ABCB5: variants seen among roughly 807,000 people sequenced by gnomAD.
ABCB5 encodes ATP binding cassette subfamily B member 5.
Under a neutral mutation model 144.2 loss-of-function variants are expected in ABCB5, and 155 were observed. The observed-to-expected ratio is 1.08, with a 90% CI of 0.94 to 1.23. ABCB5 has a LOEUF of 1.23. Ranked by LOEUF, ABCB5 falls within the 50% of genes most tolerant of loss-of-function variation. ABCB5 has a pLI of 0.00. For synonymous variants in ABCB5, 610 were observed against 528.6 expected (o/e 1.15, Z -2.11); for missense variants, 1,830 against 1,520.8 (o/e 1.20, Z -3.38).
intron 21 of ABCB5, among the ~76,000 whole-genome samples, chr7:20,724,166 C>G (rs1781957408): frequency 6.9e-6 from 1 of 145,464 alleles, no homozygotes; most frequent in African/African-American, 2.5e-5. Flanking sequence ...GGGTGGTAGG[C>G]AGTTCTTTTC....
intron 12 of ABCB5, 127 bp from the exon 13 acceptor site, chr7:20,651,293 A>AAATATTTTATC: frequency 2.4e-6 from 2 of 844,106 alleles, no homozygotes; most frequent in Admixed American, 2.8e-5. Context: ...ATATTTTATC[A>AAATATTTTATC]AAATATAGTC....
chr7:20,733,505 G>A (rs1415233441), intron 23 of ABCB5, among the ~76,000 whole-genome samples: 1 of 151,940 alleles, frequency 6.6e-6, no homozygotes, highest in African/African-American at 2.4e-5. Flanking sequence ...AACATATGAA[G>A]GACTGTTAAC....
chr7:20,681,507 G>A lies in ABCB5; in HGVS notation c.1710G>A (p.Ala570=), dbSNP rs139741319. The change falls in exon 15 of 28, where the codon GCG becomes GCA. Residue 570 remains alanine, a splice_region_variant and synonymous_variant. Transcript: ENST00000404938. ...KSAVQAALEK[A]SKGRTTIVVA... is the part of the protein sequence containing the mutation. ...TTTCTATGCATTTTATTCTGTAGGC[G>A]AGCAAAGGTCGGACTACAATCGTGG... 2,535 of 1,613,940 alleles carry A rather than the reference G, an allele frequency of 1.6e-3. 3 individuals are homozygous for A. The highest frequency in any genetic ancestry group is 2.0e-3 in the Non-Finnish European group (2,336 of 1,179,906).
chr7:20,655,475 C>T (rs1298089953), intron 13 of ABCB5, among the ~76,000 whole-genome samples: 1 of 151,730 alleles, frequency 6.6e-6, no homozygotes, highest in Admixed American at 6.6e-5. Context: ...TCTGCTCCCC[C>T]GCACCTCCCC....
chr7:20,695,791 C>T (rs1786391607), intron 16 of ABCB5, among the ~76,000 whole-genome samples: 1 of 151,734 alleles, frequency 6.6e-6, no homozygotes, highest in Admixed American at 6.6e-5. Context: ...AAGATGAGCA[C>T]ATTGGAAATA....
At position 20,663,120 on chromosome 7, in the gene ABCB5, T is replaced by C. The variant is rs1785058856; in HGVS notation, c.1707+4444T>C. 2.0e-5 allele frequency among the ~76,000 whole-genome samples: 3 copies of C among 152,226 alleles called. No individual in the cohort carries two copies. The South Asian group carries it at 6.2e-4, about 31-fold the overall frequency. On this transcript the variant is annotated intron_variant, in intron 14 of 27. Transcript: ENST00000404938. Reference sequence around the variant, plus strand: ...CCAGACCACTCATCCTTCTGCCTCATTCTTGTAACCACCAGGCTATATTGC... The same window carrying C: ...CCAGACCACTCATCCTTCTGCCTCACTCTTGTAACCACCAGGCTATATTGC...
At chr7:20,660,278 A>G (rs1784961202) in intron 14 of ABCB5, 2 of 985,448 alleles carry the variant, frequency 2.0e-6, no homozygotes, top group Non-Finnish European at 2.4e-6. Flanking sequence ...AATATATGAA[A>G]ATAATAACAG....
chr7:20,700,277 T>C, intron 19 of ABCB5, 142 bp downstream of exon 19: 1 of 697,506 alleles, frequency 1.4e-6, no homozygotes, highest in Non-Finnish European at 2.3e-6. Flanking sequence ...AAAAATCTGA[T>C]GTCAGAAGTC....
chr7:20,679,793 T>C (rs547882269), intron 14 of ABCB5, among the ~76,000 whole-genome samples: 75 of 152,284 alleles, frequency 4.9e-4, no homozygotes, highest in African/African-American at 1.7e-3. Flanking sequence ...AGAGCAACCA[T>C]GGCTCTCTTG....
intron 14 of ABCB5, among the ~76,000 whole-genome samples, chr7:20,674,074 C>G (rs1785531855): frequency 2.0e-5 from 3 of 151,868 alleles, no homozygotes; most frequent in Admixed American, 1.3e-4. Flanking sequence ...GGCCTTTAAG[C>G]TATTGCGATT....
chr7:20,744,812 G>A (rs1782670098), intron 25 of ABCB5, among the ~76,000 whole-genome samples: 1 of 151,902 alleles, frequency 6.6e-6, no homozygotes, highest in Non-Finnish European at 1.5e-5. Context: ...AAGGGAAAGA[G>A]CTTTCTCTTA....
intron 17 of ABCB5, among the ~76,000 whole-genome samples, 163 bp from the exon 18 acceptor site, chr7:20,699,662 G>A (rs914410116): frequency 4.6e-5 from 7 of 151,488 alleles, no homozygotes; most frequent in South Asian, 2.1e-4. Flanking sequence ...GACTGAGATC[G>A]CAACACTGCA....
chr7:20,659,213 A>G (rs1784915626), intron 14 of ABCB5: 17 of 1,595,296 alleles, frequency 1.1e-5, no homozygotes, highest in Non-Finnish European at 1.5e-5. Context: ...TCAAGGCCAT[A>G]TGCAGTTGTG....
At chr7:20,624,265 C>T (rs1264076924) in intron 2 of ABCB5, among the ~76,000 whole-genome samples, 1 of 152,328 alleles carries the variant, frequency 6.6e-6, no homozygotes, top group Non-Finnish European at 1.5e-5. Context: ...CCACAGGAAG[C>T]ATTGTAACTG....
chr7:20,719,143 GC>G (rs1226083144), intron 20 of ABCB5, among the ~76,000 whole-genome samples: 2 of 152,022 alleles, frequency 1.3e-5, no homozygotes, highest in Non-Finnish European at 2.9e-5. Context: ...CTTTATCTAA[GC>G]TTTTTCTAAT....
chr7:20,698,598 T>A, intron 17 of ABCB5, 48 bp downstream of exon 17: 1 of 1,525,964 alleles, frequency 6.6e-7, no homozygotes, highest in Non-Finnish European at 8.8e-7. Context: ...AAAGAAAGTA[T>A]GACCTGAGAG....
intron 20 of ABCB5, among the ~76,000 whole-genome samples, chr7:20,711,203 G>A (rs1475865617): frequency 6.7e-6 from 1 of 149,340 alleles, no homozygotes; most frequent in African/African-American, 2.5e-5. Context: ...AAATAAATAT[G>A]TAAAGTCCTA....
At chr7:20,672,314 GTTTAA>G (rs1002516741) in intron 14 of ABCB5, among the ~76,000 whole-genome samples, 7 of 149,910 alleles carry the variant, frequency 4.7e-5, no homozygotes, top group South Asian at 2.1e-4. Flanking sequence ...TAATTTTGAT[GTTTAA>G]TTTATTAGTT....
chr7:20,681,759 T>C (rs1785838798), intron 15 of ABCB5, 93 bp downstream of exon 15: 22 of 1,459,716 alleles, frequency 1.5e-5, no homozygotes, highest in African/African-American at 7.1e-5. Context: ...ATTATAATCT[T>C]AAATTTCAAA....
Sources: allele counts gnomAD v4.1 joint callset (sites outside exome capture counted in the v4.1 genomes callset), GRCh38; gene constraint gnomAD v4.1.1; transcripts MANE v1.5; gene names NCBI Gene and HGNC (gene_info 2026-07-23, HGNC 2026-07-21).